Variants in TENM1 observed in about 807,000 individuals in gnomAD.
TENM1 encodes the protein teneurin-1.
TENM1 carries 35 observed loss-of-function variants against 174.8 expected under a neutral mutation model. The ratio of observed to expected loss-of-function variants is 0.20; its 90% CI spans 0.15 to 0.27. The LOEUF (loss-of-function observed/expected upper bound fraction) is 0.27. TENM1 is among the 10% of genes least tolerant of loss of function. TENM1 has a pLI of 1.00. For synonymous variants in TENM1, 781 were observed against 798.7 expected, an observed-to-expected ratio of 0.98 and a Z score of 0.37; for missense variants, 1,633 against 2,130.1, an observed-to-expected ratio of 0.77 and a Z score of 4.59.
chrX:124,549,530 T>TA (rs375379447), intron 14 of TENM1, among the ~76,000 whole-genome samples: 13 of 110,121 alleles, frequency 1.2e-4, no homozygotes, highest in Admixed American at 4.9e-4. Flanking sequence ...AAAACGATCT[T>TA]AAAAAAAAAC....
chrX:124,931,258 CAA>C (rs548457755), intron 1 of TENM1, among the ~76,000 whole-genome samples: 8 of 74,085 alleles, frequency 1.1e-4, no homozygotes, highest in Non-Finnish European at 1.1e-4. Context: ...AACACAAAAG[CAA>C]AAAAAAAAAA....
At chrX:124,989,351 T>C in the TENM1 span, among the ~76,000 whole-genome samples, 1 of 111,652 alleles carries the variant, frequency 9.0e-6, no homozygotes, top group Non-Finnish European at 1.9e-5. Flanking sequence ...ACCTCAATGC[T>C]AAAAAATATG....
intron 1 of TENM1, among the ~76,000 whole-genome samples, chrX:124,926,758 A>C (rs1200439113): frequency 8.9e-6 from 1 of 112,307 alleles, no homozygotes; most frequent in Non-Finnish European, 1.9e-5. Flanking sequence ...TTAATGCTGT[A>C]CTGGAACTTG....
chrX:124,692,734 C>T (rs921999274), intron 5 of TENM1, among the ~76,000 whole-genome samples: 2 of 109,561 alleles, frequency 1.8e-5, no homozygotes, highest in Non-Finnish European at 3.8e-5. Flanking sequence ...TGGCCGGGCA[C>T]GGTGGCTCAT....
intron 22 of TENM1, among the ~76,000 whole-genome samples, chrX:124,470,451 T>G (rs1466076816): frequency 3.6e-5 from 4 of 111,342 alleles, no homozygotes; most frequent in African/African-American, 9.8e-5. Flanking sequence ...AAATTGGTTA[T>G]CTTTACAGAG....
At chrX:124,556,460 G>C (rs760802427) in intron 14 of TENM1, among the ~76,000 whole-genome samples, 2 of 110,792 alleles carry the variant, frequency 1.8e-5, no homozygotes, top group Non-Finnish European at 3.8e-5. Flanking sequence ...TGCTTATTAC[G>C]AGAGTGTTTT....
the TENM1 span, among the ~76,000 whole-genome samples, chrX:125,016,253 G>A: frequency 4.5e-5 from 5 of 111,189 alleles, no homozygotes; most frequent in African/African-American, 1.6e-4. Context: ...TATTCAAATA[G>A]GAAGAGAGGA....
At chrX:125,128,027 T>C in the TENM1 span, among the ~76,000 whole-genome samples, 1 of 111,458 alleles carries the variant, frequency 9.0e-6, no homozygotes, top group African/African-American at 3.3e-5. Flanking sequence ...AAGCTATTAA[T>C]GGTATTAACA....
intron 1 of TENM1, among the ~76,000 whole-genome samples, chrX:124,908,331 C>T (rs1034673854): frequency 1.2e-4 from 13 of 110,803 alleles, no homozygotes; most frequent in Non-Finnish European, 5.7e-5. Flanking sequence ...TAGCCCCCTA[C>T]CTCCTGACAG....
chrX:124,900,511 C>A (rs1006408327), intron 1 of TENM1, among the ~76,000 whole-genome samples: 1 of 111,360 alleles, frequency 9.0e-6, no homozygotes, highest in Non-Finnish European at 1.9e-5. Flanking sequence ...ATATTGCACA[C>A]CTTAAGTATA....
At chrX:124,650,331 C>T (rs1960880697) in intron 8 of TENM1, among the ~76,000 whole-genome samples, 1 of 108,525 alleles carries the variant, frequency 9.2e-6, no homozygotes, top group Admixed American at 1.0e-4. Flanking sequence ...GTTTCTGTTG[C>T]TTCTAATTTT....
At chrX:124,954,171 A>C (rs1305723098) in intron 1 of TENM1, among the ~76,000 whole-genome samples, 1 of 112,103 alleles carries the variant, frequency 8.9e-6, no homozygotes, top group Non-Finnish European at 1.9e-5. Context: ...TTTAAATCAA[A>C]TTTAGCCCTA....
rs1287201160 is a variant in TENM1, at chrX:124,752,183, T to G, written c.536-14986A>C. ...TTCCTGACTTTTTAGTGATTGCCAT[T>G]CTAACTGGTGTGAGATGGTATCTCA... On this transcript the variant is annotated intron_variant, in intron 3 of 31. Coordinates refer to ENST00000422452, the Ensembl canonical transcript of TENM1. 6.3e-5 allele frequency among the ~76,000 whole-genome samples: 7 copies of G among 111,849 alleles called. No homozygotes were observed. The East Asian group carries it at 2.0e-3, about 32-fold the overall frequency.
chrX:124,472,614 A>G (rs1188221890), intron 22 of TENM1, among the ~76,000 whole-genome samples: 4 of 111,072 alleles, frequency 3.6e-5, no homozygotes, highest in African/African-American at 1.3e-4. Context: ...ATAGATTTCC[A>G]AAGAAATCTT....
At chrX:124,520,611 C>T in exon 18 of TENM1, 2 of 1,211,174 alleles carry the variant, frequency 1.7e-6, no homozygotes, top group Non-Finnish European at 2.2e-6. Flanking sequence ...CGGGAAACCA[C>T]TTCTGTGTGA....
chrX:124,594,566 T>TA (rs1460378280), intron 11 of TENM1, among the ~76,000 whole-genome samples: 1 of 111,998 alleles, frequency 8.9e-6, no homozygotes, highest in Non-Finnish European at 1.9e-5. Context: ...AGGATTTTTT[T>TA]AAATAGATAG....
chrX:124,525,824 G>C (rs761248899), intron 16 of TENM1, among the ~76,000 whole-genome samples: 1 of 111,836 alleles, frequency 8.9e-6, no homozygotes, highest in South Asian at 3.7e-4. Flanking sequence ...CTATCTCTTA[G>C]CTGCTATTGT....
chrX:124,597,312 G>A (rs1409213498), intron 11 of TENM1, among the ~76,000 whole-genome samples: 2 of 112,023 alleles, frequency 1.8e-5, no homozygotes, highest in African/African-American at 6.5e-5. Flanking sequence ...AGCAAATGTG[G>A]TATATAAATA....
chrX:124,985,906 CA>C, the TENM1 span, among the ~76,000 whole-genome samples: 2 of 111,353 alleles, frequency 1.8e-5, no homozygotes, highest in African/African-American at 6.5e-5. Flanking sequence ...AAACGTGGCA[CA>C]TCAACTGTCG....
Sources: allele counts gnomAD v4.1 joint callset (sites outside exome capture counted in the v4.1 genomes callset), GRCh38; gene constraint gnomAD v4.1.1; transcripts MANE v1.5; gene names NCBI Gene and HGNC (gene_info 2026-07-23, HGNC 2026-07-21).